NR6A1: variants seen among roughly 807,000 people sequenced by gnomAD.
NR6A1 encodes the protein nuclear receptor subfamily 6 group A member 1.
NR6A1 carries 7 observed loss-of-function variants against 59.1 expected under a neutral mutation model. The ratio of observed to expected loss-of-function variants is 0.12; its 90% CI spans 0.07 to 0.22. The LOEUF is 0.22. NR6A1 is among the 10% of genes least tolerant of loss of function. NR6A1 has a pLI of 1.00. For missense variants in NR6A1, 468 were observed against 611.6 expected (o/e 0.77, Z 2.48); for synonymous variants, 243 against 236.1 (o/e 1.03, Z -0.27).
chr9:124,691,925 C>T (rs75109854), intron 2 of NR6A1, among the ~76,000 whole-genome samples: 5,689 of 152,220 alleles, frequency 0.037, 307 homozygotes, highest in African/African-American at 0.11. Context: ...GATGGGTCTA[C>T]TCCTAGATAT....
At chr9:124,617,588 A>G (rs1835936602) in intron 2 of NR6A1, among the ~76,000 whole-genome samples, 1 of 152,166 alleles carries the variant, frequency 6.6e-6, no homozygotes, top group Non-Finnish European at 1.5e-5. Flanking sequence ...AGAAAGCTTT[A>G]TGAGTGGCTC....
At chr9:124,692,809 T>G (rs1838602922) in intron 2 of NR6A1, among the ~76,000 whole-genome samples, 1 of 152,262 alleles carries the variant, frequency 6.6e-6, no homozygotes. Context: ...TATGCACCAT[T>G]CTGGTGAGAA....
At chr9:124,741,413 T>C (rs1398788679) in intron 1 of NR6A1, among the ~76,000 whole-genome samples, 1 of 152,226 alleles carries the variant, frequency 6.6e-6, no homozygotes, top group Non-Finnish European at 1.5e-5. Context: ...CCTTCAAATA[T>C]TAAGTATCTA....
In NR6A1 at chr9:124,525,677, ATCTCTCTC is replaced by A. The variant is rs71980445; in HGVS notation, c.1202-812_1202-805del. On this transcript the variant is annotated intron_variant, in intron 8 of 9. Coordinates refer to ENST00000487099, the MANE Select transcript of NR6A1 (RefSeq NM_033334.4). ...TGGCCCCTCCATTTTTTCTAAATAG[ATCTCTCTC>A]TCTCTCTCTCTCTCTATATATATAT... Among the ~76,000 whole-genome samples, 32 of 149,248 alleles carry A rather than the reference ATCTCTCTC, an allele frequency of 2.1e-4. No individual in the cohort carries two copies. The South Asian group carries it at 2.6e-3, about 12-fold the overall frequency.
At chr9:124,601,596 A>G (rs542565214) in intron 2 of NR6A1, among the ~76,000 whole-genome samples, 10 of 149,926 alleles carry the variant, frequency 6.7e-5, no homozygotes, top group South Asian at 2.1e-4. Context: ...AAAAAAAAAA[A>G]AAAGAAAGAA....
At chr9:124,589,491 A>G (rs1835045609) in intron 2 of NR6A1, among the ~76,000 whole-genome samples, 1 of 152,174 alleles carries the variant, frequency 6.6e-6, no homozygotes, top group Non-Finnish European at 1.5e-5. Context: ...ATAAACATAA[A>G]TGCATATGAT....
chr9:124,588,907 G>A (rs1171476966), intron 2 of NR6A1, among the ~76,000 whole-genome samples: 7 of 137,244 alleles, frequency 5.1e-5, no homozygotes, highest in South Asian at 2.4e-4. Context: ...GCGACAGAAC[G>A]AGACTCTGTC....
At chr9:124,762,988 G>GA (rs1840822770) in intron 1 of NR6A1, among the ~76,000 whole-genome samples, 1 of 152,072 alleles carries the variant, frequency 6.6e-6, no homozygotes, top group Non-Finnish European at 1.5e-5. Flanking sequence ...GTTCGTTTAA[G>GA]AAAAAAATAG....
intron 2 of NR6A1, chr9:124,692,609 G>C (rs1257094197): frequency 2.8e-6 from 1 of 359,524 alleles, no homozygotes; most frequent in Non-Finnish European, 6.4e-6. Context: ...CATGTCACAT[G>C]AGTTCACCAG....
At chr9:124,650,708 T>C (rs1837074409) in intron 2 of NR6A1, among the ~76,000 whole-genome samples, 1 of 152,180 alleles carries the variant, frequency 6.6e-6, no homozygotes, top group Non-Finnish European at 1.5e-5. Context: ...CCTATAAATA[T>C]ATACAATTAT....
chr9:124,696,147 C>T (rs1410742905), intron 2 of NR6A1, among the ~76,000 whole-genome samples: 1 of 152,102 alleles, frequency 6.6e-6, no homozygotes, highest in East Asian at 1.9e-4. Context: ...TACAGAAGGA[C>T]TTGTGAGCAA....
intron 2 of NR6A1, among the ~76,000 whole-genome samples, chr9:124,589,835 G>A (rs181970429): frequency 1.6e-4 from 24 of 152,158 alleles, no homozygotes; most frequent in African/African-American, 5.8e-4. Context: ...GGGAGGCCAA[G>A]GCAGGCAGAT....
intron 2 of NR6A1, among the ~76,000 whole-genome samples, chr9:124,649,019 C>G (rs1837018137): frequency 6.6e-6 from 1 of 151,984 alleles, no homozygotes; most frequent in African/African-American, 2.4e-5. Context: ...AATATCCACA[C>G]TATCCAAAGA....
intron 2 of NR6A1, among the ~76,000 whole-genome samples, chr9:124,625,398 G>C (rs1051429278): frequency 7.2e-5 from 11 of 152,194 alleles, no homozygotes; most frequent in Middle Eastern, 3.2e-3. Context: ...CATGATCACA[G>C]CTCACGGCAG....
Position 124,764,140 on chromosome 9 carries a change from C to T in NR6A1, c.100+6880G>A, listed in dbSNP as rs188619305. Among the ~76,000 whole-genome samples the T allele has an allele frequency of 2.7e-5, 4 of 150,708 alleles. No individual in the cohort carries two copies. In the East Asian group the frequency reaches 7.8e-4, roughly 29 times the overall value. On this transcript the variant is annotated intron_variant, in intron 1 of 9. Coordinates refer to ENST00000487099, the MANE Select transcript of NR6A1 (RefSeq NM_033334.4). Reference sequence around the variant, plus strand: ...CTGAGGTTGCAGTGAGCAGAGATCGCACCGCTGCACTCCAGCCTGGGCAAC... The same window carrying T: ...CTGAGGTTGCAGTGAGCAGAGATCGTACCGCTGCACTCCAGCCTGGGCAAC...
At chr9:124,762,413 A>G (rs1840807718) in intron 1 of NR6A1, among the ~76,000 whole-genome samples, 1 of 152,214 alleles carries the variant, frequency 6.6e-6, no homozygotes, top group South Asian at 2.1e-4. Context: ...ATCTGGCTTA[A>G]TCCTAGCAGC....
intron 2 of NR6A1, chr9:124,599,010 G>A (rs1835366394): frequency 1.3e-6 from 1 of 741,222 alleles, no homozygotes. Context: ...CAAATCTTCA[G>A]GGTCTTGTCC....
At chr9:124,537,601 T>C (rs899037693) in intron 6 of NR6A1, among the ~76,000 whole-genome samples, 4 of 152,022 alleles carry the variant, frequency 2.6e-5, no homozygotes, top group Non-Finnish European at 4.4e-5. Context: ...TCTCCTCAGG[T>C]AGAAGTGACT....
chr9:124,677,996 T>C (rs911690318), intron 2 of NR6A1, among the ~76,000 whole-genome samples: 2 of 152,220 alleles, frequency 1.3e-5, no homozygotes, highest in Non-Finnish European at 2.9e-5. Flanking sequence ...ATGGAATTCA[T>C]TTTGACTTAA....
Sources: allele counts gnomAD v4.1 joint callset (sites outside exome capture counted in the v4.1 genomes callset), GRCh38; gene constraint gnomAD v4.1.1; transcripts MANE v1.5; gene names NCBI Gene and HGNC (gene_info 2026-07-23, HGNC 2026-07-21).